The following SAMD12 variants were observed in gnomAD, a reference collection of about 807,000 sequenced individuals.
SAMD12 encodes the protein sterile alpha motif domain-containing protein 12.
A neutral mutation model predicts 15.0 loss-of-function variants in SAMD12; 9 were observed. That is an observed-to-expected ratio of 0.60 (90% CI 0.36 to 1.05). The LOEUF is 1.05. Ranked by LOEUF, SAMD12 falls within the 50% of genes least tolerant of loss-of-function variation. The pLI, the probability that SAMD12 is intolerant of heterozygous loss-of-function variation, is 0.01. For synonymous variants in SAMD12, 86 were observed against 90.1 expected (o/e 0.96, Z 0.25); for missense variants, 230 against 234.2 (o/e 0.98, Z 0.12).
chr8:118,546,358 A>T (rs1255904173), intron 2 of SAMD12, among the ~76,000 whole-genome samples: 2 of 152,072 alleles, frequency 1.3e-5, no homozygotes, highest in South Asian at 4.2e-4. Context: ...TCAACCAGAG[A>T]TAACACTGAA....
intron 4 of SAMD12, among the ~76,000 whole-genome samples, chr8:118,313,776 T>A (rs1444271893): frequency 6.6e-6 from 1 of 152,072 alleles, no homozygotes; most frequent in Non-Finnish European, 1.5e-5. Context: ...TACCCTGGTT[T>A]CTATGATTTA....
intron 2 of SAMD12, among the ~76,000 whole-genome samples, chr8:118,501,088 A>G (rs1470491862): frequency 6.6e-6 from 1 of 152,104 alleles, no homozygotes; most frequent in African/African-American, 2.4e-5. Flanking sequence ...TCTTGTCTTC[A>G]TATGGCCCCT....
chr8:118,271,927 C>T (rs1185034655), intron 4 of SAMD12, among the ~76,000 whole-genome samples: 2 of 152,206 alleles, frequency 1.3e-5, no homozygotes, highest in Non-Finnish European at 2.9e-5. Context: ...GTGCCTGTGG[C>T]TTTTCCAGAC....
intron 4 of SAMD12, chr8:118,282,363 C>G (rs1463883615): frequency 2.2e-6 from 1 of 456,224 alleles, no homozygotes; most frequent in Non-Finnish European, 4.4e-6. Flanking sequence ...TCAATGCTCT[C>G]GTATAGGCTG....
At chr8:118,281,655 C>G (rs750748373) in intron 4 of SAMD12, among the ~76,000 whole-genome samples, 1 of 152,126 alleles carries the variant, frequency 6.6e-6, no homozygotes, top group African/African-American at 2.4e-5. Context: ...TTGCTCAAAA[C>G]CTGCTTTTGT....
chr8:118,289,904 A>G (rs1225406730), intron 4 of SAMD12, among the ~76,000 whole-genome samples: 1 of 152,230 alleles, frequency 6.6e-6, no homozygotes, highest in Non-Finnish European at 1.5e-5. Flanking sequence ...CTAGATCAGA[A>G]AGATCTAACT....
downstream of SAMD12, among the ~76,000 whole-genome samples, chr8:118,185,970 T>C (rs1421796221): frequency 1.3e-5 from 2 of 152,316 alleles, no homozygotes; most frequent in South Asian, 4.1e-4. Flanking sequence ...CATGAAGCAC[T>C]GGTTGGTCTA....
At chr8:118,586,434 G>A (rs1313118665) in intron 1 of SAMD12, among the ~76,000 whole-genome samples, 2 of 148,466 alleles carry the variant, frequency 1.3e-5, no homozygotes, top group Non-Finnish European at 3.0e-5. Flanking sequence ...TCTCAACCTC[G>A]CAGGCTCAAG....
chr8:118,218,050 A>G (rs1413710018), intron 4 of SAMD12, among the ~76,000 whole-genome samples: 2 of 152,158 alleles, frequency 1.3e-5, no homozygotes, highest in Non-Finnish European at 2.9e-5. Flanking sequence ...CACCAAGTAT[A>G]GCTCACAGCC....
At chr8:118,328,502 C>A (rs1276834828) in intron 4 of SAMD12, among the ~76,000 whole-genome samples, 1 of 152,108 alleles carries the variant, frequency 6.6e-6, no homozygotes, top group Non-Finnish European at 1.5e-5. Context: ...TTGTGCAATT[C>A]TTTCTTTAAT....
chr8:118,495,933 C>T (rs1468605097), intron 2 of SAMD12, among the ~76,000 whole-genome samples: 1 of 151,878 alleles, frequency 6.6e-6, no homozygotes, highest in African/African-American at 2.4e-5. Flanking sequence ...GTATTTAAGA[C>T]CCAAATCAAG....
the SAMD12 span, among the ~76,000 whole-genome samples, chr8:118,134,735 C>G: frequency 2.0e-4 from 31 of 152,308 alleles, no homozygotes; most frequent in South Asian, 1.0e-3. Context: ...ACTCATTAGT[C>G]TGCTGCTAAC....
At chr8:118,470,605 A>G (rs1330482184) in intron 2 of SAMD12, among the ~76,000 whole-genome samples, 1 of 152,026 alleles carries the variant, frequency 6.6e-6, no homozygotes. Context: ...AAGTAAGCTG[A>G]TGCATGTAAT....
intron 3 of SAMD12, among the ~76,000 whole-genome samples, chr8:118,390,229 T>C (rs949836395): frequency 5.9e-5 from 9 of 152,086 alleles, no homozygotes; most frequent in Non-Finnish European, 1.2e-4. Flanking sequence ...AGGATGGTCT[T>C]GATCTCCTGA....
chr8:118,422,947 T>C (rs1822063838), intron 3 of SAMD12, among the ~76,000 whole-genome samples: 1 of 152,118 alleles, frequency 6.6e-6, no homozygotes, highest in African/African-American at 2.4e-5. Context: ...TCACTGGCCT[T>C]GGGAAAGGGA....
At chr8:118,271,762 A>T (rs535394209) in intron 4 of SAMD12, among the ~76,000 whole-genome samples, 59 of 152,332 alleles carry the variant, frequency 3.9e-4, no homozygotes, top group African/African-American at 1.3e-3. Context: ...ATTAAACCTT[A>T]AAGTTCCAAA....
intron 4 of SAMD12, among the ~76,000 whole-genome samples, chr8:118,220,684 T>A (rs1032509243): frequency 4.6e-5 from 7 of 152,184 alleles, no homozygotes; most frequent in Non-Finnish European, 1.0e-4. Context: ...AGAAACAAGA[T>A]CTAGACTTGG....
chr8:118,318,325 T>TATATATATATATATATATATAC (rs1816036869), intron 4 of SAMD12, among the ~76,000 whole-genome samples: 13 of 25,224 alleles, frequency 5.2e-4, no homozygotes, highest in Non-Finnish European at 1.7e-3. Context: ...TATATATATA[T>TATATATATATATATATATATAC]ATATATATAT....
intron 2 of SAMD12, among the ~76,000 whole-genome samples, chr8:118,551,904 C>A (rs1163172636): frequency 6.6e-6 from 1 of 150,972 alleles, no homozygotes; most frequent in African/African-American, 2.4e-5. Context: ...AATACGTCTA[C>A]GCAAATAAAC....
Sources: allele counts gnomAD v4.1 joint callset (sites outside exome capture counted in the v4.1 genomes callset), GRCh38; gene constraint gnomAD v4.1.1; transcripts MANE v1.5; gene names NCBI Gene and HGNC (gene_info 2026-07-23, HGNC 2026-07-21).